The following METTL25 variants were observed in gnomAD, a reference collection of about 807,000 sequenced individuals.
METTL25 encodes the protein probable methyltransferase-like protein 25.
A neutral mutation model predicts 71.6 loss-of-function variants in METTL25; 64 were observed. The ratio of observed to expected loss-of-function variants is 0.89; its 90% CI spans 0.73 to 1.10. The LOEUF is 1.10. Ranked by LOEUF, METTL25 falls within the 50% of genes least tolerant of loss-of-function variation. The pLI, the probability that METTL25 is intolerant of heterozygous loss-of-function variation, is 0.00. For missense variants in METTL25, 807 were observed against 707.0 expected, an observed-to-expected ratio of 1.14 and a Z score of -1.60; for synonymous variants, 287 against 250.3, an observed-to-expected ratio of 1.15 and a Z score of -1.38.
At chr12:82,426,909 C>T (rs1473596937) in intron 5 of METTL25, among the ~76,000 whole-genome samples, 1 of 151,946 alleles carries the variant, frequency 6.6e-6, no homozygotes, top group Non-Finnish European at 1.5e-5. Context: ...TACAGCTTCA[C>T]CACTTTGTCT....
rs962385520 is a variant in METTL25 at position 82,476,783 on chromosome 12, A to G, written c.1647+65A>G. 7 of 1,016,688 alleles carry G rather than the reference A, an allele frequency of 6.9e-6. No homozygotes were observed. In the African/African-American group the frequency reaches 1.2e-4, roughly 17 times the overall value. 63.0% of individuals were successfully genotyped at this position (1,016,688 alleles called of 1,614,324 possible). On this transcript the variant is annotated intron_variant, in intron 10 of 11. Transcript: ENST00000248306. ...CTAGACTTGAATAGGGTCCTATTAA[A>G]TTTTATTATGGGCTAAGCAATCTAT...
Position 82,449,271 on chromosome 12 carries a change from A to G in METTL25, c.1479-7456A>G, listed in dbSNP as rs960839401. Among the ~76,000 whole-genome samples, 4 of 152,270 alleles carry G rather than the reference A, an allele frequency of 2.6e-5. No homozygotes were observed. The East Asian group carries it at 7.7e-4, about 29-fold the overall frequency. On this transcript the variant is annotated intron_variant, in intron 8 of 11. Transcript: ENST00000248306. Reference sequence around the variant, plus strand: ...AGTCATGTCACTTTTCTAAGTTTCAAATGTTTGCTAATAATTCTTTATGCC... The same window carrying G: ...AGTCATGTCACTTTTCTAAGTTTCAGATGTTTGCTAATAATTCTTTATGCC...
At chr12:82,412,101 C>T (rs1242468480) in intron 5 of METTL25, among the ~76,000 whole-genome samples, 1 of 151,988 alleles carries the variant, frequency 6.6e-6, no homozygotes, top group African/African-American at 2.4e-5. Flanking sequence ...TTGAGTCAGA[C>T]TCACATTAAG....
intron 5 of METTL25, among the ~76,000 whole-genome samples, chr12:82,403,367 C>T (rs13377892): frequency 2.4e-3 from 370 of 152,150 alleles, no homozygotes; most frequent in African/African-American, 8.2e-3. Context: ...AGTGCTGAAG[C>T]CTTTGCAAAT....
At chr12:82,469,646 CCTT>C (rs1317382072) in intron 9 of METTL25, among the ~76,000 whole-genome samples, 3 of 151,824 alleles carry the variant, frequency 2.0e-5, no homozygotes, top group African/African-American at 7.3e-5. Context: ...AACCATATCA[CCTT>C]CTAATTGGAG....
At chr12:82,382,448 C>T (rs989972641) in intron 1 of METTL25, among the ~76,000 whole-genome samples, 5 of 152,090 alleles carry the variant, frequency 3.3e-5, no homozygotes, top group Non-Finnish European at 5.9e-5. Context: ...TATTGAAGTC[C>T]TTGTAGTGGC....
intron 3 of METTL25, among the ~76,000 whole-genome samples, chr12:82,392,911 G>A (rs865839095): frequency 4.6e-5 from 7 of 151,856 alleles, no homozygotes; most frequent in African/African-American, 1.7e-4. Context: ...CATCTTCTTG[G>A]CACCTTTGTT....
At chr12:82,434,053 A>T (rs1310506398) in intron 6 of METTL25, among the ~76,000 whole-genome samples, 2 of 151,196 alleles carry the variant, frequency 1.3e-5, no homozygotes, top group Non-Finnish European at 3.0e-5. Flanking sequence ...TTTTGTAAAA[A>T]ATATTTTGGA....
chr12:82,365,559 T>C (rs2136817490), intron 1 of METTL25, among the ~76,000 whole-genome samples: 1 of 152,306 alleles, frequency 6.6e-6, no homozygotes, highest in East Asian at 1.9e-4. Flanking sequence ...AACCAGACTG[T>C]GTTCTTGGGA....
chr12:82,432,974 T>G (rs1889635790), intron 6 of METTL25, among the ~76,000 whole-genome samples: 1 of 151,292 alleles, frequency 6.6e-6, no homozygotes, highest in Non-Finnish European at 1.5e-5. Flanking sequence ...TAGAGCAATA[T>G]CATTAGCATA....
At chr12:82,465,860 T>C (rs958049643) in intron 9 of METTL25, among the ~76,000 whole-genome samples, 5 of 152,002 alleles carry the variant, frequency 3.3e-5, no homozygotes, top group African/African-American at 4.8e-5. Context: ...CTTGTCTATT[T>C]GCACTGCATT....
At chr12:82,388,346 A>C (rs535602624) in intron 2 of METTL25, among the ~76,000 whole-genome samples, 1 of 151,864 alleles carries the variant, frequency 6.6e-6, no homozygotes, top group South Asian at 2.1e-4. Flanking sequence ...TTTTAAGCAA[A>C]ATTATTTCAT....
rs760107345 is a variant in METTL25, at chr12:82,398,933, T to C, written c.670T>C (p.Trp224Arg). 2 of 1,612,328 alleles carry C rather than the reference T, an allele frequency of 1.2e-6. No homozygotes were observed. Among genetic ancestry groups the C allele is most frequent in the East Asian group, 4.5e-5 (2 of 44,746 alleles). The change falls in exon 4 of 12, where the codon TGG becomes CGG. Residue 224 changes from tryptophan to arginine, a missense_variant. Trp to Arg is a moderately radical substitution (Grantham distance 101). Coordinates refer to ENST00000248306, the MANE Select transcript of METTL25 (RefSeq NM_032230.3). Reference protein sequence around the residue: ...EERNRKLKKHWKLCHAQSRLD... With the variant: ...EERNRKLKKHRKLCHAQSRLD... The stretch of plus-strand genomic sequence containing the variant: ...GAGAAACAGAAAATTGAAGAAACAT[T>C]GGAAACTCTGTCATGCTCAGTCAAG...
At chr12:82,451,769 A>T (rs868437466) in intron 8 of METTL25, among the ~76,000 whole-genome samples, 7 of 152,288 alleles carry the variant, frequency 4.6e-5, no homozygotes, top group Middle Eastern at 6.8e-3. Flanking sequence ...AACAAAATAA[A>T]TATTTTGTCA....
chr12:82,402,530 A>G (rs1027545066), intron 4 of METTL25, among the ~76,000 whole-genome samples: 1 of 152,160 alleles, frequency 6.6e-6, no homozygotes, highest in Non-Finnish European at 1.5e-5. Flanking sequence ...AAAAAATTCA[A>G]AAGTTGTAAA....
At chr12:82,457,211 T>C (rs934757042) in intron 9 of METTL25, among the ~76,000 whole-genome samples, 3 of 151,896 alleles carry the variant, frequency 2.0e-5, no homozygotes, top group African/African-American at 7.2e-5. Flanking sequence ...AGCCTTCAAA[T>C]AGGAGAATCT....
At chr12:82,370,054 C>G (rs926899412) in intron 1 of METTL25, among the ~76,000 whole-genome samples, 1 of 152,148 alleles carries the variant, frequency 6.6e-6, no homozygotes, top group Non-Finnish European at 1.5e-5. Context: ...TCAATCCCCC[C>G]TCTAAACAGG....
chr12:82,415,027 C>T (rs1887859102), intron 5 of METTL25, among the ~76,000 whole-genome samples: 1 of 152,050 alleles, frequency 6.6e-6, no homozygotes, highest in South Asian at 2.1e-4. Context: ...TAAAGTTTTG[C>T]AGCAGAGGGA....
chr12:82,431,646 G>A (rs1014001170), intron 6 of METTL25, among the ~76,000 whole-genome samples: 7 of 151,364 alleles, frequency 4.6e-5, no homozygotes, highest in African/African-American at 1.5e-4. Flanking sequence ...GTAAGATGGT[G>A]GATATGTTAT....
Sources: gnomAD v4.1 joint callset for allele counts (sites outside exome capture counted in the v4.1 genomes callset) on GRCh38, gnomAD v4.1.1 for gene constraint, MANE v1.5 for transcripts, NCBI Gene and HGNC (gene_info 2026-07-23, HGNC 2026-07-21) for gene names.